Variants in BABAM2 observed in about 807,000 individuals in gnomAD.
BABAM2 encodes the protein BRISC and BRCA1 A complex member 2.
In BABAM2, 31 loss-of-function variants were observed where a neutral mutation model predicts 54.7. The ratio of observed to expected loss-of-function variants is 0.57; its 90% CI spans 0.43 to 0.77. The LOEUF (loss-of-function observed/expected upper bound fraction) is 0.77. Ranked by LOEUF, BABAM2 falls within the 30% of genes least tolerant of loss-of-function variation. The pLI is 0.00. For synonymous variants in BABAM2, 167 were observed against 162.9 expected (o/e 1.03, Z -0.19); for missense variants, 364 against 455.8 (o/e 0.80, Z 1.83).
intron 1 of BABAM2, among the ~76,000 whole-genome samples, chr2:27,893,980 G>C (rs1665075017): frequency 1.5e-5 from 2 of 135,942 alleles, no homozygotes; most frequent in South Asian, 4.9e-4. Flanking sequence ...GCAACAGAGT[G>C]AGACTCTGTC....
At position 27,895,891 on chromosome 2, in the gene BABAM2, GGTATGTATTTTCCTCT is replaced by G. The variant is rs1665259969; in HGVS notation, c.128+1210_128+1225del. 2.0e-5 allele frequency among the ~76,000 whole-genome samples: 3 copies of G among 151,980 alleles called. No homozygotes were observed. The South Asian group carries it at 6.2e-4, about 32-fold the overall frequency. On this transcript the variant is annotated intron_variant, in intron 2 of 11. Coordinates refer to ENST00000379624, the MANE Select transcript of BABAM2 (RefSeq NM_199191.3). Reference sequence around the variant, plus strand: ...TTACTTATGCCAGTATGAATTTTTAGGTATGTATTTTCCTCTGTGGGTTATAAATTAAATATTATTA... The same window carrying G: ...TTACTTATGCCAGTATGAATTTTTAGGTGGGTTATAAATTAAATATTATTA...
intron 10 of BABAM2, among the ~76,000 whole-genome samples, chr2:28,259,356 G>T (rs1298984531): frequency 6.6e-6 from 1 of 152,028 alleles, no homozygotes; most frequent in Non-Finnish European, 1.5e-5. Flanking sequence ...AAAGTGCTGG[G>T]ATCACAGGTA....
intron 10 of BABAM2, among the ~76,000 whole-genome samples, chr2:28,276,231 C>T (rs1312476610): frequency 6.6e-6 from 1 of 152,028 alleles, no homozygotes; most frequent in East Asian, 1.9e-4. Flanking sequence ...GTTTACAGAG[C>T]TCATGAACCC....
chr2:28,187,320 G>T lies in BABAM2; in HGVS notation c.681-49882G>T, dbSNP rs913218643. Among the ~76,000 whole-genome samples, 132 of 152,276 alleles carry T rather than the reference G, an allele frequency of 8.7e-4. 1 individual carries two copies. The highest frequency in any genetic ancestry group is 1.6e-3 in the Non-Finnish European group (111 of 68,026). ...AGAGCATCTTGAGGGCAGGAGCCAT[G>T]TTGGTTTGGGTAGCACTATAGTGGC... On this transcript the variant is annotated intron_variant, in intron 7 of 11. Transcript: ENST00000379624.
upstream of BABAM2, among the ~76,000 whole-genome samples, chr2:27,889,549 G>T (rs1664658251): frequency 6.6e-6 from 1 of 152,082 alleles, no homozygotes; most frequent in Non-Finnish European, 1.5e-5. Flanking sequence ...AGAAAAATCA[G>T]AAGGATCTGT....
chr2:28,127,272 C>T (rs141752696), intron 6 of BABAM2, among the ~76,000 whole-genome samples: 4 of 152,104 alleles, frequency 2.6e-5, no homozygotes, highest in Non-Finnish European at 4.4e-5. Flanking sequence ...AAAAGACCAT[C>T]AAGAAAAGAG....
At chr2:28,226,197 C>A (rs1365066106) in intron 7 of BABAM2, among the ~76,000 whole-genome samples, 4 of 152,178 alleles carry the variant, frequency 2.6e-5, no homozygotes, top group Non-Finnish European at 4.4e-5. Flanking sequence ...AGCAGGAGAG[C>A]TAAGTAGCTG....
chr2:28,112,193 C>T (rs143127860), intron 6 of BABAM2, among the ~76,000 whole-genome samples: 2,305 of 30,722 alleles, frequency 0.075, 497 homozygotes, highest in South Asian at 0.15. Flanking sequence ...CTCCCTCCCT[C>T]CCTCCCTTCC....
intron 7 of BABAM2, among the ~76,000 whole-genome samples, chr2:28,180,832 G>C (rs13399788): frequency 6.6e-6 from 1 of 151,904 alleles, no homozygotes; most frequent in African/African-American, 2.4e-5. Context: ...AAGAAGATAC[G>C]CAAATTGTCA....
chr2:28,310,280 CCT>C (rs989766660), intron 11 of BABAM2: 9 of 941,038 alleles, frequency 9.6e-6, no homozygotes, highest in Admixed American at 2.2e-5. Flanking sequence ...CACTCACCAT[CCT>C]CTCAGCCTGT....
intron 3 of BABAM2, among the ~76,000 whole-genome samples, chr2:27,956,363 G>A (rs976417261): frequency 3.3e-5 from 5 of 152,112 alleles, no homozygotes; most frequent in African/African-American, 1.2e-4. Context: ...CTGATAGTGC[G>A]CTAAGGATGG....
intron 11 of BABAM2, among the ~76,000 whole-genome samples, chr2:28,326,694 T>C (rs1438470326): frequency 6.6e-6 from 1 of 152,172 alleles, no homozygotes; most frequent in Non-Finnish European, 1.5e-5. Context: ...CAGGCAGGCA[T>C]TCATTTAGCA....
At chr2:28,003,694 G>C (rs1558650025) in intron 4 of BABAM2, among the ~76,000 whole-genome samples, 2 of 152,258 alleles carry the variant, frequency 1.3e-5, no homozygotes, top group East Asian at 3.9e-4. Flanking sequence ...TCTAGATTTA[G>C]TTTTATTGAT....
chr2:28,295,104 T>A (rs2148232593), intron 10 of BABAM2, among the ~76,000 whole-genome samples: 1 of 152,306 alleles, frequency 6.6e-6, no homozygotes, highest in South Asian at 2.1e-4. Flanking sequence ...ACTGGGCATT[T>A]AGGGAGTCAA....
intron 2 of BABAM2, among the ~76,000 whole-genome samples, chr2:27,912,511 T>G (rs1666676392): frequency 6.6e-6 from 1 of 152,216 alleles, no homozygotes; most frequent in African/African-American, 2.4e-5. Flanking sequence ...TAAAAGAGTA[T>G]GTAAGTCAGA....
chr2:28,277,384 C>T (rs939252874), intron 10 of BABAM2, among the ~76,000 whole-genome samples: 20 of 152,160 alleles, frequency 1.3e-4, no homozygotes, highest in Admixed American at 2.6e-4. Flanking sequence ...GGATTACAGA[C>T]GTGAGCCACT....
At chr2:27,952,082 T>C (rs1404288952) in intron 3 of BABAM2, among the ~76,000 whole-genome samples, 1 of 152,246 alleles carries the variant, frequency 6.6e-6, no homozygotes, top group Admixed American at 6.5e-5. Context: ...TGTAAACATT[T>C]AAGAATGTTA....
chr2:27,985,382 C>T (rs1442600950), intron 3 of BABAM2, among the ~76,000 whole-genome samples: 1 of 152,036 alleles, frequency 6.6e-6, no homozygotes, highest in East Asian at 1.9e-4. Context: ...TCTGCGCCAA[C>T]ATCTATTATT....
At chr2:28,109,203 T>G (rs1370810535) in intron 6 of BABAM2, among the ~76,000 whole-genome samples, 7 of 147,876 alleles carry the variant, frequency 4.7e-5, no homozygotes, top group Admixed American at 2.0e-4. Context: ...TTTTTTTTTT[T>G]TTTGAGACAG....
Sources: gnomAD v4.1 joint callset for allele counts (sites outside exome capture counted in the v4.1 genomes callset) on GRCh38, gnomAD v4.1.1 for gene constraint, MANE v1.5 for transcripts, NCBI Gene and HGNC (gene_info 2026-07-23, HGNC 2026-07-21) for gene names.